The following TSPEAR variants were observed in gnomAD, a reference collection of about 807,000 sequenced individuals.
TSPEAR encodes thrombospondin-type laminin G domain and EAR repeat-containing protein.
In TSPEAR, 69 loss-of-function variants were observed where a neutral mutation model predicts 71.6. That is an observed-to-expected ratio of 0.96 (90% confidence interval 0.79 to 1.18). TSPEAR has a LOEUF of 1.18. Among genes scored for constraint, TSPEAR ranks in the 50% most tolerant of loss-of-function variants. The pLI, the probability that TSPEAR is intolerant of heterozygous loss-of-function variation, is 0.00. For synonymous variants in TSPEAR, 402 were observed against 387.2 expected (o/e 1.04, Z -0.45); for missense variants, 971 against 894.9 (o/e 1.09, Z -1.09).
chr21:44,564,641 G>C (rs1209347549), intron 2 of TSPEAR, among the ~76,000 whole-genome samples: 1 of 152,094 alleles, frequency 6.6e-6, no homozygotes, highest in Non-Finnish European at 1.5e-5. Context: ...TGAAGCAAAA[G>C]CTGACAGAAA....
intron 9 of TSPEAR, chr21:44,517,646 T>C (rs1410832881): frequency 4.9e-6 from 2 of 408,274 alleles, no homozygotes; most frequent in South Asian, 1.8e-5. Context: ...TGACTTGATA[T>C]GAGAACTAAC....
intron 1 of TSPEAR, among the ~76,000 whole-genome samples, chr21:44,651,475 C>A (rs587727129): frequency 5.3e-5 from 8 of 152,234 alleles, no homozygotes; most frequent in African/African-American, 1.7e-4. Flanking sequence ...ATGGGCAGGG[C>A]GGGTTCCTTC....
intron 4 of TSPEAR, 97 bp from the exon 5 acceptor site, chr21:44,530,051 AG>A: frequency 7.8e-7 from 1 of 1,287,982 alleles, no homozygotes; most frequent in Non-Finnish European, 1.0e-6. Flanking sequence ...AGCCCGGAGG[AG>A]GCTCGGGTGG....
At chr21:44,709,216 C>T (rs901688447) in intron 1 of TSPEAR, among the ~76,000 whole-genome samples, 13 of 152,160 alleles carry the variant, frequency 8.5e-5, no homozygotes, top group Admixed American at 6.5e-4. Context: ...AAGTGGGTTG[C>T]TCTGAATGAG....
intron 1 of TSPEAR, among the ~76,000 whole-genome samples, chr21:44,696,574 A>G (rs1364466628): frequency 6.6e-6 from 1 of 152,246 alleles, no homozygotes; most frequent in African/African-American, 2.4e-5. Context: ...CTGTTTGCCG[A>G]AAAAAATAAA....
intron 1 of TSPEAR, chr21:44,638,015 T>C (rs782112436): frequency 6.2e-6 from 10 of 1,612,768 alleles, no homozygotes; most frequent in Admixed American, 3.3e-5. Context: ...TGTGTGCAAG[T>C]CCACCTGCTG....
At chr21:44,547,767 C>CCTTCACTTCCTGCTTGCAT (rs1261548988) in intron 2 of TSPEAR, among the ~76,000 whole-genome samples, 5 of 152,116 alleles carry the variant, frequency 3.3e-5, no homozygotes, top group South Asian at 2.1e-4. Context: ...TCTGCCTTCC[C>CCTTCACTTCCTGCTTGCAT]CTTCACTTCC....
rs2052191921 is a variant in TSPEAR at position 44,506,055 on chromosome 21, G to A, written c.1755-1174C>T. 1.3e-5 allele frequency among the ~76,000 whole-genome samples: 2 copies of A among 152,166 alleles called. No homozygotes were observed. Among genetic ancestry groups the A allele is most frequent in the African/African-American group, 2.4e-5 (1 of 41,442 alleles). Reference sequence around the variant, plus strand: ...TTGTGTCTTCAGCTGTGAGGTCAGCGGCCGTGAGGTCACTCCAGGAGGTGC... The same window carrying A: ...TTGTGTCTTCAGCTGTGAGGTCAGCAGCCGTGAGGTCACTCCAGGAGGTGC... On this transcript the variant is annotated intron_variant, in intron 10 of 11. Transcript: ENST00000323084. This position sits in a 1 kb window ranked among gnomAD's most constrained non-coding sequence, Gnocchi z 4.2.
At position 44,612,590 on chromosome 21, in the gene TSPEAR, G is replaced by A. The variant is rs1221159764; in HGVS notation, c.83-44585C>T. On this transcript the variant is annotated intron_variant, in intron 1 of 11. Transcript: ENST00000323084. The surrounding 1 kb of genome is among the most constrained non-coding windows in gnomAD (Gnocchi z 4.1). ...CTGCACCTTCTCCCCATGCCAACAGGCCTGCTGTGTGCCCATCTGCTGCAA... is the reference window on the plus strand; with the variant it reads ...CTGCACCTTCTCCCCATGCCAACAGACCTGCTGTGTGCCCATCTGCTGCAA... The A allele has an allele frequency of 2.5e-6, 4 of 1,613,964 alleles. No individual in the cohort carries two copies. The African/African-American group carries it at 5.3e-5, about 22-fold the overall frequency.
At chr21:44,697,363 A>C in intron 1 of TSPEAR, 3 of 1,613,134 alleles carry the variant, frequency 1.9e-6, no homozygotes, top group Non-Finnish European at 2.5e-6. Context: ...TCTGCACCCC[A>C]GTGAGCCGTG....
Position 44,579,791 on chromosome 21 carries a change from C to T in TSPEAR, c.83-11786G>A, listed in dbSNP as rs782773002. The T allele has an allele frequency of 2.6e-5, 42 of 1,608,424 alleles. 1 individual carries two copies. Among genetic ancestry groups the T allele is most frequent in the Admixed American group, 2.2e-4 (13 of 59,650 alleles). Reference sequence around the variant, plus strand: ...GCAGGCCAGGGGGGAGCACGCGGGGCGGCAGAGGAGGGACACGCAGGAGGC... The same window carrying T: ...GCAGGCCAGGGGGGAGCACGCGGGGTGGCAGAGGAGGGACACGCAGGAGGC... On this transcript the variant is annotated intron_variant, in intron 1 of 11. Transcript: ENST00000323084.
intron 1 of TSPEAR, chr21:44,638,218 C>T: frequency 6.4e-7 from 1 of 1,565,926 alleles, no homozygotes; most frequent in South Asian, 1.2e-5. Context: ...AGGGGCTGAC[C>T]TCCCAGCTGC....
At position 44,509,427 on chromosome 21, in the gene TSPEAR, G is replaced by A. The variant is rs199635324; in HGVS notation, c.1567-41C>T. 323 of 1,544,802 alleles carry A rather than the reference G, an allele frequency of 2.1e-4. 2 individuals are homozygous for A. The East Asian group carries it at 6.6e-3, about 32-fold the overall frequency. Reference sequence around the variant, plus strand: ...AGCAGGTGCAGAGGTGTGGGGGAGCGGGCGCAGAGGTGTGGGGGAGCGGGC... The same window carrying A: ...AGCAGGTGCAGAGGTGTGGGGGAGCAGGCGCAGAGGTGTGGGGGAGCGGGC... On this transcript the variant is annotated intron_variant, in intron 9 of 11. Transcript: ENST00000323084.
chr21:44,657,854 C>A lies in TSPEAR; in HGVS notation c.82+53579G>T, dbSNP rs1366221623. 5 of 890,906 alleles carry A rather than the reference C, an allele frequency of 5.6e-6. No homozygotes were observed. The South Asian group carries it at 6.2e-5, about 11-fold the overall frequency. The allele number at this position is 890,906 out of a possible 1,614,324, so 55.2% of individuals were successfully genotyped here. On this transcript the variant is annotated intron_variant, in intron 1 of 11. Coordinates refer to ENST00000323084, the MANE Select transcript of TSPEAR (RefSeq NM_144991.3). ...TTGGGAAACACAGTGGAAACAACCA[C>A]AAGGAAGACAACAGTTGTGTTTTTG...
At chr21:44,708,530 C>T (rs2838660) in intron 1 of TSPEAR, among the ~76,000 whole-genome samples, 1 of 152,014 alleles carries the variant, frequency 6.6e-6, no homozygotes, top group African/African-American at 2.4e-5. Flanking sequence ...AAAGAGGCTC[C>T]AGCCAGCAGC....
intron 1 of TSPEAR, among the ~76,000 whole-genome samples, chr21:44,705,179 T>TA (rs1555952133): frequency 1.3e-5 from 2 of 152,248 alleles, no homozygotes; most frequent in Non-Finnish European, 2.9e-5. Context: ...ACATAAATTG[T>TA]AAAGATTTCA....
intron 11 of TSPEAR, among the ~76,000 whole-genome samples, chr21:44,503,616 G>A (rs2052104506): frequency 7.1e-6 from 1 of 140,842 alleles, no homozygotes; most frequent in Non-Finnish European, 1.5e-5. Flanking sequence ...CAAGGCGCTG[G>A]GAGGAGGCCG....
chr21:44,630,851 T>C (rs2099641556), intron 1 of TSPEAR, among the ~76,000 whole-genome samples: 1 of 152,242 alleles, frequency 6.6e-6, no homozygotes, highest in Non-Finnish European at 1.5e-5. Flanking sequence ...AATGGAATAG[T>C]GACCCCCTTC....
chr21:44,528,889 C>T (rs1231721399), intron 5 of TSPEAR, among the ~76,000 whole-genome samples: 7 of 152,362 alleles, frequency 4.6e-5, no homozygotes, highest in East Asian at 3.9e-4. Context: ...GAGTCCTCAG[C>T]GATTGCACAG....
Sources: allele counts gnomAD v4.1 joint callset (sites outside exome capture counted in the v4.1 genomes callset), GRCh38; gene constraint gnomAD v4.1.1; non-coding constraint Gnocchi (gnomAD v3.1); transcripts MANE v1.5; gene names NCBI Gene and HGNC (gene_info 2026-07-23, HGNC 2026-07-21).